GPC5: variants seen among roughly 807,000 people sequenced by gnomAD.
GPC5 encodes the protein glypican 5.
Under a neutral mutation model 53.9 loss-of-function variants are expected in GPC5, and 47 were observed. The ratio of observed to expected loss-of-function variants is 0.87; its 90% CI spans 0.69 to 1.11. The LOEUF (loss-of-function observed/expected upper bound fraction) is 1.11. Ranked by LOEUF, GPC5 falls within the 50% of genes most tolerant of loss-of-function variation. The probability of loss-of-function intolerance (pLI) is 0.00; values close to 1 mark genes in which losing one functional copy is unlikely to be tolerated. For missense variants in GPC5, 748 were observed against 713.1 expected, an observed-to-expected ratio of 1.05 and a Z score of -0.56; for synonymous variants, 286 against 263.3, an observed-to-expected ratio of 1.09 and a Z score of -0.84.
intron 2 of GPC5, among the ~76,000 whole-genome samples, chr13:91,529,503 G>A (rs1410940525): frequency 6.6e-6 from 1 of 152,090 alleles, no homozygotes; most frequent in African/African-American, 2.4e-5. Context: ...TTTTAAATTT[G>A]AAAAATAGAA....
chr13:92,073,645 T>C (rs1237543465), intron 6 of GPC5, among the ~76,000 whole-genome samples: 1 of 152,236 alleles, frequency 6.6e-6, no homozygotes. Context: ...CTACCATCAA[T>C]GGTATACCAT....
At position 92,802,320 on chromosome 13, in the gene GPC5, C is replaced by T. The variant is rs117654392; in HGVS notation, c.1562-63962C>T. On this transcript the variant is annotated intron_variant, in intron 7 of 7. Coordinates refer to ENST00000377067, the MANE Select transcript of GPC5 (RefSeq NM_004466.6). ...AAGTATACTCATGACGTTCATACAA[C>T]GATTAAATTGCCTAATGACATATTT... Among the ~76,000 whole-genome samples, 1,337 of 151,838 alleles carry T rather than the reference C, an allele frequency of 8.8e-3. 19 individuals carry two copies. Among genetic ancestry groups the T allele is most frequent in the African/African-American group, 0.025 (1,030 of 41,456 alleles).
intron 6 of GPC5, among the ~76,000 whole-genome samples, chr13:92,042,568 A>C (rs1386703246): frequency 6.6e-6 from 1 of 152,246 alleles, no homozygotes; most frequent in Non-Finnish European, 1.5e-5. Context: ...TTGCAGAACT[A>C]GTTCAGCCAA....
At chr13:92,478,268 G>T (rs777093038) in intron 7 of GPC5, among the ~76,000 whole-genome samples, 2 of 152,174 alleles carry the variant, frequency 1.3e-5, no homozygotes, top group Non-Finnish European at 1.5e-5. Context: ...GCCTTCAAAT[G>T]TTGAATGTCA....
chr13:91,652,764 C>G (rs1488896759), intron 2 of GPC5, among the ~76,000 whole-genome samples: 1 of 152,136 alleles, frequency 6.6e-6, no homozygotes, highest in Non-Finnish European at 1.5e-5. Flanking sequence ...GTAAGGAGGA[C>G]CTACTATAGT....
At chr13:92,846,690 T>A (rs775166723) in intron 7 of GPC5, among the ~76,000 whole-genome samples, 1 of 152,220 alleles carries the variant, frequency 6.6e-6, no homozygotes, top group South Asian at 2.1e-4. Context: ...GTGTTCCATC[T>A]GGTGGTAAGT....
intron 7 of GPC5, among the ~76,000 whole-genome samples, chr13:92,461,553 C>T (rs1297336621): frequency 6.6e-6 from 1 of 152,208 alleles, no homozygotes; most frequent in East Asian, 1.9e-4. Context: ...TGCTCCGTTC[C>T]TCAAATTCAT....
chr13:91,967,783 A>AT (rs1220005640), intron 6 of GPC5, among the ~76,000 whole-genome samples: 1 of 152,118 alleles, frequency 6.6e-6, no homozygotes, highest in Non-Finnish European at 1.5e-5. Context: ...GTTTCTTAAT[A>AT]TTTATTAGCA....
chr13:92,596,194 A>G (rs1046005731), intron 7 of GPC5, among the ~76,000 whole-genome samples: 1 of 152,192 alleles, frequency 6.6e-6, no homozygotes, highest in African/African-American at 2.4e-5. Flanking sequence ...TCCCCAAACT[A>G]AAACTCCAGG....
chr13:92,465,027 A>G (rs1878636405), intron 7 of GPC5, among the ~76,000 whole-genome samples: 1 of 152,016 alleles, frequency 6.6e-6, no homozygotes. Context: ...CAGATGGTAC[A>G]TTCATCTATG....
intron 5 of GPC5, among the ~76,000 whole-genome samples, chr13:91,816,714 A>G (rs977687359): frequency 3.6e-4 from 55 of 152,330 alleles, no homozygotes; most frequent in African/African-American, 1.3e-3. Flanking sequence ...AAGTTTCCCT[A>G]CAACAGTGAG....
intron 7 of GPC5, among the ~76,000 whole-genome samples, chr13:92,235,942 C>T (rs2042566417): frequency 1.3e-5 from 2 of 151,934 alleles, no homozygotes; most frequent in African/African-American, 4.8e-5. Flanking sequence ...AAAGCTTTTT[C>T]CTTTGAAACA....
At chr13:92,825,636 C>T (rs1385508132) in intron 7 of GPC5, among the ~76,000 whole-genome samples, 1 of 152,036 alleles carries the variant, frequency 6.6e-6, no homozygotes, top group Non-Finnish European at 1.5e-5. Context: ...GAACAGAGTA[C>T]AAAAGTGCTG....
At chr13:92,151,343 G>T (rs1047365237) in intron 7 of GPC5, among the ~76,000 whole-genome samples, 1 of 152,086 alleles carries the variant, frequency 6.6e-6, no homozygotes, top group Non-Finnish European at 1.5e-5. Context: ...GCCTACAGAT[G>T]ATGTTACTAT....
intron 7 of GPC5, among the ~76,000 whole-genome samples, chr13:92,190,814 C>A (rs996698726): frequency 1.3e-5 from 2 of 151,970 alleles, no homozygotes; most frequent in South Asian, 2.1e-4. Flanking sequence ...CAACAAAGAA[C>A]AAGGGCATCA....
At chr13:92,473,221 A>G (rs1878977315) in intron 7 of GPC5, among the ~76,000 whole-genome samples, 2 of 152,084 alleles carry the variant, frequency 1.3e-5, no homozygotes, top group Non-Finnish European at 1.5e-5. Flanking sequence ...ATTTATTGCT[A>G]GTACCTCAAT....
chr13:92,006,652 C>T (rs897315104), intron 6 of GPC5, among the ~76,000 whole-genome samples: 1 of 152,110 alleles, frequency 6.6e-6, no homozygotes, highest in Admixed American at 6.5e-5. Context: ...CCAAAGAGAA[C>T]TTCCTTGACC....
chr13:92,406,616 A>C (rs551287322), intron 7 of GPC5, among the ~76,000 whole-genome samples: 2 of 152,324 alleles, frequency 1.3e-5, no homozygotes, highest in African/African-American at 4.8e-5. Flanking sequence ...AGGCCCCCTC[A>C]CAGCATAAAA....
intron 7 of GPC5, among the ~76,000 whole-genome samples, chr13:92,192,732 G>A (rs577743711): frequency 3.9e-5 from 6 of 152,204 alleles, no homozygotes; most frequent in East Asian, 1.9e-4. Context: ...CTATGCCCAC[G>A]TATGGGATTG....
Sources: allele counts gnomAD v4.1 joint callset (sites outside exome capture counted in the v4.1 genomes callset), GRCh38; gene constraint gnomAD v4.1.1; transcripts MANE v1.5; gene names NCBI Gene and HGNC (gene_info 2026-07-23, HGNC 2026-07-21).